Variants in METTL22 observed in about 807,000 individuals in gnomAD.
METTL22 encodes methyltransferase-like protein 22.
A neutral mutation model predicts 48.4 loss-of-function variants in METTL22; 51 were observed. The ratio of observed to expected loss-of-function variants is 1.05; its 90% CI spans 0.84 to 1.33. The LOEUF is 1.33. Among genes scored for constraint, METTL22 ranks in the 40% most tolerant of loss-of-function variants. The pLI, the probability that METTL22 is intolerant of heterozygous loss-of-function variation, is 0.00. For synonymous variants in METTL22, 255 were observed against 214.1 expected (o/e 1.19, Z -1.67); for missense variants, 678 against 526.9 (o/e 1.29, Z -2.81).
At chr16:8,663,225 A>AAAGT in the METTL22 span, among the ~76,000 whole-genome samples, 2 of 123,468 alleles carry the variant, frequency 1.6e-5, no homozygotes, top group African/African-American at 6.2e-5. Context: ...AAAAAAAAAA[A>AAAGT]GGTAGCCAAG....
chr16:8,643,887 T>A (rs769748125), intron 9 of METTL22, among the ~76,000 whole-genome samples: 1 of 152,180 alleles, frequency 6.6e-6, no homozygotes, highest in African/African-American at 2.4e-5. Flanking sequence ...GTACTGAGAT[T>A]ACAGGTGGGA....
chr16:8,641,261 G>A (rs2056608007), intron 7 of METTL22, 77 bp downstream of exon 7: 1 of 1,467,494 alleles, frequency 6.8e-7, no homozygotes, highest in Non-Finnish European at 9.5e-7. Context: ...TGGCTCTGTG[G>A]TTTTGACAGA....
chr16:8,637,045 A>G (rs1339887129), intron 5 of METTL22, among the ~76,000 whole-genome samples: 4 of 152,200 alleles, frequency 2.6e-5, no homozygotes, highest in South Asian at 2.1e-4. Context: ...CTTTAGAACA[A>G]ATATACCTGT....
downstream of METTL22, among the ~76,000 whole-genome samples, chr16:8,652,426 T>A (rs969287971): frequency 8.0e-6 from 1 of 124,426 alleles, no homozygotes; most frequent in Non-Finnish European, 1.6e-5. Flanking sequence ...GCCGCTGCAC[T>A]CCAGCCTGGG....
At position 8,639,978 on chromosome 16, in the gene METTL22, G is replaced by T. The variant is rs1731010; in HGVS notation, c.772+816G>T. Among the ~76,000 whole-genome samples the T allele has an allele frequency of 4.6e-5, 7 of 152,112 alleles. No homozygotes were observed. The East Asian group carries it at 1.4e-3, about 30-fold the overall frequency. ...CTTCCCTCTGCCTGAGTGCTCTGCC[G>T]TCCCTCCTCCCGGCAAGTCCTCATC... On this transcript the variant is annotated intron_variant, in intron 6 of 10. Coordinates refer to ENST00000381920, the MANE Select transcript of METTL22 (RefSeq NM_024109.4).
chr16:8,660,402 C>T, the METTL22 span, among the ~76,000 whole-genome samples: 1 of 152,064 alleles, frequency 6.6e-6, no homozygotes. Context: ...TGGTCTCGAA[C>T]TCCTGACCTC....
At chr16:8,639,452 T>TC (rs911128487) in intron 6 of METTL22, 7 of 464,306 alleles carry the variant, frequency 1.5e-5, no homozygotes, top group Non-Finnish European at 2.8e-5. Flanking sequence ...AGTTGACCCG[T>TC]CCAAGATGTC....
chr16:8,654,870 C>T, the METTL22 span, among the ~76,000 whole-genome samples: 1 of 152,178 alleles, frequency 6.6e-6, no homozygotes, highest in Non-Finnish European at 1.5e-5. Context: ...GTGATCTGTA[C>T]TAAAGGCTGA....
intron 6 of METTL22, 127 bp from the exon 7 acceptor site, chr16:8,641,004 A>AGGTGGATGGGTGAGAGCAAGGGTGGGTG: frequency 1.5e-6 from 1 of 655,414 alleles, no homozygotes; most frequent in Non-Finnish European, 2.5e-6. Context: ...AAGGGCAGGA[A>AGGTGGATGGGTGAGAGCAAGGGTGGGTG]GGTGGATGGG....
intron 6 of METTL22, chr16:8,639,811 G>C (rs2056540108): frequency 6.6e-6 from 1 of 152,648 alleles, no homozygotes. Context: ...AGCCCCCCAG[G>C]CTTCAGGCCC....
At position 8,631,021 on chromosome 16, in the gene METTL22, C is replaced by A. The variant is rs148490355; in HGVS notation, c.514+1911C>A. Among the ~76,000 whole-genome samples the A allele has an allele frequency of 4.8e-3, 730 of 152,320 alleles. 8 individuals are homozygous for A. Among genetic ancestry groups the A allele is most frequent in the Middle Eastern group, 0.037 (11 of 294 alleles). ...AACCACATGGTCAGAACCACGTGAT[C>A]AGGGGAACCACTGTCCCTGGGTTTT... On this transcript the variant is annotated intron_variant, in intron 3 of 10. Transcript: ENST00000381920.
chr16:8,635,391 G>C, intron 5 of METTL22, 79 bp downstream of exon 5: 9 of 1,462,612 alleles, frequency 6.2e-6, no homozygotes, highest in Non-Finnish European at 8.1e-6. Flanking sequence ...AAAAGAGGCA[G>C]AGGCACTGGA....
Position 8,646,480 on chromosome 16 carries a change from G to A in METTL22, c.*337G>A. On this transcript the variant is annotated 3_prime_UTR_variant, in exon 11 of 11. Coordinates refer to ENST00000381920, the MANE Select transcript of METTL22 (RefSeq NM_024109.4). ...TGCTTTACTTGCGGTTGCGGCCCTG[G>A]CTGTGAGGTGGATTCTTGTACTGCC... 1 of 556,842 alleles carries A rather than the reference G, an allele frequency of 1.8e-6. No individual in the cohort carries two copies. The highest frequency in any genetic ancestry group is 4.4e-5 in the East Asian group (1 of 22,800). The allele number at this position is 556,842 out of a possible 1,614,324, so 34.5% of individuals were successfully genotyped here.
At chr16:8,636,138 C>A (rs1412900455) in intron 5 of METTL22, among the ~76,000 whole-genome samples, 1 of 152,108 alleles carries the variant, frequency 6.6e-6, no homozygotes, top group African/African-American at 2.4e-5. Context: ...CTTCTGGAAT[C>A]CCCAGTGTCT....
rs773142694 is a variant in METTL22 at position 8,646,431 on chromosome 16, C to G, written c.*288C>G. On this transcript the variant is annotated 3_prime_UTR_variant, in exon 11 of 11. Transcript: ENST00000381920. ...CACGTTCCTTCTCAGCTCAGTTCCA[C>G]CCACGTCAGTCATTTCAGCTGTGTG... 5 of 654,194 alleles carry G rather than the reference C, an allele frequency of 7.6e-6. No individual in the cohort carries two copies. Among genetic ancestry groups the G allele is most frequent in the Non-Finnish European group, 1.4e-5 (5 of 354,404 alleles). 40.5% of individuals were successfully genotyped at this position (654,194 alleles called of 1,614,324 possible). A position where few individuals can be genotyped will look rare whatever the true frequency, so the allele number is the denominator to read the frequency against.
intron 1 of METTL22, 113 bp from the exon 2 acceptor site, chr16:8,625,383 C>T (rs2056011316): frequency 1.7e-5 from 4 of 229,272 alleles, no homozygotes; most frequent in Non-Finnish European, 2.5e-5. Context: ...ATTCATATCC[C>T]TTTCTATAAA....
chr16:8,645,252 C>T (rs1008435819), intron 10 of METTL22, among the ~76,000 whole-genome samples: 2 of 152,134 alleles, frequency 1.3e-5, no homozygotes, highest in African/African-American at 4.8e-5. Flanking sequence ...TGTGGAGACC[C>T]GGGCCTAGTT....
chr16:8,634,230 G>C (rs1731049), intron 3 of METTL22, among the ~76,000 whole-genome samples: 150,420 of 152,328 alleles, frequency 0.99, 74,303 homozygotes, highest in Middle Eastern at 1. Context: ...AGGTGCCCAA[G>C]AGGACCCTAC....
Position 8,641,203 on chromosome 16 carries a change from C to T in METTL22, c.826+19C>T, listed in dbSNP as rs1424343866. The T allele has an allele frequency of 4.3e-6, 7 of 1,613,150 alleles. No homozygotes were observed. Among genetic ancestry groups the T allele is most frequent in the Admixed American group, 3.3e-5 (2 of 59,972 alleles). The stretch of plus-strand genomic sequence containing the variant: ...TGCACAGGTGTGTGTTTCTCTCGGA[C>T]GTCCCCCAGTATGATTCAGTGATTC... On this transcript the variant is annotated intron_variant, in intron 7 of 10. Transcript: ENST00000381920.
Sources: gnomAD v4.1 joint callset for allele counts (sites outside exome capture counted in the v4.1 genomes callset) on GRCh38, gnomAD v4.1.1 for gene constraint, MANE v1.5 for transcripts, NCBI Gene and HGNC (gene_info 2026-07-23, HGNC 2026-07-21) for gene names.